Variants in P4HA3 observed in about 807,000 individuals in gnomAD.
P4HA3 encodes prolyl 4-hydroxylase subunit alpha-3.
P4HA3 carries 60 observed loss-of-function variants against 66.7 expected under a neutral mutation model. That is an observed-to-expected ratio of 0.90 (90% CI 0.73 to 1.12). P4HA3 has a LOEUF of 1.12. P4HA3 is among the 50% of genes most tolerant of loss of function. The probability of loss-of-function intolerance (pLI) is 0.00; values close to 1 mark genes in which losing one functional copy is unlikely to be tolerated. For synonymous variants in P4HA3, 263 were observed against 274.6 expected (o/e 0.96, Z 0.42); for missense variants, 683 against 685.8 (o/e 1.00, Z 0.05).
intron 10 of P4HA3, among the ~76,000 whole-genome samples, chr11:74,271,760 A>G (rs1002931691): frequency 5.3e-5 from 8 of 152,310 alleles, no homozygotes; most frequent in South Asian, 4.1e-4. Flanking sequence ...CTATAAAATC[A>G]GTCTTAGGTT....
rs35776286 is a variant in P4HA3 at position 74,289,135 on chromosome 11, TAAAA to T, written c.718-9_718-6del. ...GGCACACGAAACATTTCCTGCCTGT[TAAAA>T]AAAAAAAAAAGAAAAGAAAGCATTA... On this transcript the variant is annotated splice_polypyrimidine_tract_variant and splice_region_variant and intron_variant, in intron 4 of 12. Coordinates refer to ENST00000331597, the MANE Select transcript of P4HA3 (RefSeq NM_182904.5). 68 of 1,377,246 alleles carry T rather than the reference TAAAA, an allele frequency of 4.9e-5. No individual in the cohort carries two copies. Among genetic ancestry groups the T allele is most frequent in the Middle Eastern group, 2.0e-4 (1 of 5,114 alleles). The allele number at this position is 1,377,246 out of a possible 1,614,324, so 85.3% of individuals were successfully genotyped here. A position where few individuals can be genotyped will look rare whatever the true frequency, so the allele number is the denominator to read the frequency against.
intron 1 of P4HA3, among the ~76,000 whole-genome samples, chr11:74,309,060 G>C (rs890753658): frequency 6.6e-6 from 1 of 152,196 alleles, no homozygotes; most frequent in Non-Finnish European, 1.5e-5. Context: ...TAGGGGCTTG[G>C]TCTATGTCTT....
downstream of P4HA3, among the ~76,000 whole-genome samples, chr11:74,261,712 C>T (rs1014516350): frequency 6.6e-6 from 1 of 152,206 alleles, no homozygotes; most frequent in African/African-American, 2.4e-5. Flanking sequence ...CTCAATCAGT[C>T]ATCCCAGCAT....
In P4HA3 at chr11:74,251,455, C is replaced by T. The variant is rs531536396; in HGVS notation, c.*1319-3454G>A. The T allele has an allele frequency of 4.1e-4, 589 of 1,422,644 alleles. 7 individuals are homozygous for T. In the South Asian group the frequency reaches 8.8e-3, roughly 21 times the overall value. The allele number at this position is 1,422,644 out of a possible 1,614,324, so 88.1% of individuals were successfully genotyped here. A position where few individuals can be genotyped will look rare whatever the true frequency, so the allele number is the denominator to read the frequency against. ...TCCTCTTGAGCTCTATGGAGCTATC[C>T]CTGGCAAGGATAGTGGGGAGGAGTC... is the stretch of plus-strand genomic sequence containing the variant. On this transcript the variant is annotated intron_variant and NMD_transcript_variant, in intron 15 of 15. Transcript: ENST00000524388.
chr11:74,283,855 T>C (rs1860691960), intron 7 of P4HA3, among the ~76,000 whole-genome samples: 1 of 152,234 alleles, frequency 6.6e-6, no homozygotes. Flanking sequence ...TTGCCTTTTC[T>C]TTAGAGGAAG....
chr11:74,307,394 A>C (rs1039877716), intron 1 of P4HA3, among the ~76,000 whole-genome samples: 1 of 152,206 alleles, frequency 6.6e-6, no homozygotes, highest in Non-Finnish European at 1.5e-5. Context: ...CATCAAATCA[A>C]AAGTGCTGTC....
intron 4 of P4HA3, 36 bp downstream of exon 4, chr11:74,298,176 T>C (rs1861287302): frequency 2.5e-6 from 4 of 1,598,786 alleles, no homozygotes; most frequent in African/African-American, 2.7e-5. Context: ...TTTCACTTAG[T>C]ATAATAAAAG....
intron 4 of P4HA3, among the ~76,000 whole-genome samples, chr11:74,295,189 A>T (rs750601813): frequency 6.6e-6 from 1 of 152,224 alleles, no homozygotes; most frequent in East Asian, 1.9e-4. Flanking sequence ...TAAAAACCCT[A>T]GTAAAAATAT....
intron 5 of P4HA3, chr11:74,287,106 T>C: frequency 8.4e-7 from 1 of 1,184,700 alleles, no homozygotes; most frequent in South Asian, 1.6e-5. Context: ...TGTGTCTTGT[T>C]TGTGCCCACC....
intron 2 of P4HA3, among the ~76,000 whole-genome samples, chr11:74,303,741 T>C (rs1363660888): frequency 6.6e-6 from 1 of 151,762 alleles, no homozygotes; most frequent in African/African-American, 2.4e-5. Flanking sequence ...ATCCCACGAC[T>C]CCCCGGTAAT....
rs147672479 is a variant in P4HA3 at position 74,301,924 on chromosome 11, C to T, written c.567+445G>A. 2.7e-3 allele frequency among the ~76,000 whole-genome samples: 411 copies of T among 152,258 alleles called. 5 individuals carry two copies. The highest frequency in any genetic ancestry group is 9.4e-3 in the African/African-American group (392 of 41,518). On this transcript the variant is annotated intron_variant, in intron 3 of 12. Transcript: ENST00000331597. ...TGATCTTACCTTTCCATCACCATCT[C>T]TTATCCTTTTCCCCAACCTTGCGTC...
chr11:74,269,848 G>T, intron 10 of P4HA3, 128 bp from the exon 11 acceptor site: 1 of 989,564 alleles, frequency 1.0e-6, no homozygotes, highest in Non-Finnish European at 1.5e-6. Flanking sequence ...ATACTTGAAA[G>T]ACAATCATCC....
chr11:74,251,631 A>C lies in P4HA3; in HGVS notation c.*1319-3630T>G, dbSNP rs201992998. ...CACTAACCTTTATATGGCCTGGAAT[A>C]TCTCTCCCATTTCCAGGTAGCTGAA... On this transcript the variant is annotated intron_variant and NMD_transcript_variant, in intron 15 of 15. Transcript: ENST00000524388. 1.1e-4 allele frequency: 181 copies of C among 1,612,142 alleles called. No individual in the cohort carries two copies. In the African/African-American group the frequency reaches 2.2e-3, roughly 19 times the overall value.
At chr11:74,305,661 G>C (rs1861558959) in intron 1 of P4HA3, among the ~76,000 whole-genome samples, 1 of 152,194 alleles carries the variant, frequency 6.6e-6, no homozygotes, top group African/African-American at 2.4e-5. Context: ...CGAGTTATTT[G>C]CTAGATGTCA....
chr11:74,287,034 G>A, intron 5 of P4HA3: 2 of 1,017,452 alleles, frequency 2.0e-6, no homozygotes, highest in Non-Finnish European at 2.4e-6. Flanking sequence ...TGGCGCAGAG[G>A]GACTCTAGAC....
chr11:74,277,059 G>A lies in P4HA3; in HGVS notation c.1261C>T (p.Pro421Ser). 1.2e-6 allele frequency: 2 copies of A among 1,614,130 alleles called. No homozygotes were observed. Among genetic ancestry groups the A allele is most frequent in the South Asian group, 1.1e-5 (1 of 91,080 alleles). The change falls in exon 9 of 13, where the codon CCC (proline) becomes TCC (serine). Residue 421 changes from proline to serine, a missense_variant. Pro to Ser is a moderately conservative substitution (Grantham distance 74). Transcript: ENST00000331597. ...ACCACCTGCAGATACTCTGCATAGGGAGGCCGGACATCAAGGCCTGTGAGG... is the reference window on the plus strand; with the variant it reads ...ACCACCTGCAGATACTCTGCATAGGAAGGCCGGACATCAAGGCCTGTGAGG... The part of the protein sequence containing the change: ...AALTGLDVRP[P>S]YAEYLQVVNY...
intron 15 of P4HA3, among the ~76,000 whole-genome samples, chr11:74,258,343 C>T (rs2135694045): frequency 6.6e-6 from 1 of 152,252 alleles, no homozygotes; most frequent in East Asian, 1.9e-4. Context: ...GGAGTGTTGA[C>T]AGAGACAGTT....
downstream of P4HA3, among the ~76,000 whole-genome samples, chr11:74,265,020 A>G (rs1269036829): frequency 1.3e-5 from 2 of 152,346 alleles, no homozygotes; most frequent in South Asian, 2.1e-4. Flanking sequence ...ACTTAACTCT[A>G]TAAAACTGCC....
rs759333826 is a variant in P4HA3, at chr11:74,276,969, T to C, written c.1335+16A>G. 1.7e-5 allele frequency: 28 copies of C among 1,606,702 alleles called. No individual in the cohort carries two copies. Among genetic ancestry groups the C allele is most frequent in the African/African-American group, 2.7e-5 (2 of 74,774 alleles). On this transcript the variant is annotated intron_variant, in intron 9 of 12. Coordinates refer to ENST00000331597, the MANE Select transcript of P4HA3 (RefSeq NM_182904.5). ...GCTCCCTACCCCAGGGGATTGGTCA[T>C]TGACTCCACCATTACCGTAGCATGG...
Sources: gnomAD v4.1 joint callset for allele counts (sites outside exome capture counted in the v4.1 genomes callset) on GRCh38, gnomAD v4.1.1 for gene constraint, MANE v1.5 for transcripts, NCBI Gene and HGNC (gene_info 2026-07-23, HGNC 2026-07-21) for gene names.